Variants in CNTN5 observed in about 807,000 individuals in gnomAD.
The protein encoded by CNTN5 is contactin 5.
Under a neutral mutation model 129.1 loss-of-function variants are expected in CNTN5, and 77 were observed. The ratio of observed to expected loss-of-function variants is 0.60; its 90% confidence interval spans 0.50 to 0.72. The LOEUF (loss-of-function observed/expected upper bound fraction) is 0.72, where lower values mean the gene tolerates loss of function less well. Among genes scored for constraint, CNTN5 ranks in the 30% least tolerant of loss-of-function variants. The pLI, the probability that CNTN5 is intolerant of heterozygous loss-of-function variation, is 0.00. For missense variants in CNTN5, 1,478 were observed against 1,328.8 expected, an observed-to-expected ratio of 1.11 and a Z score of -1.75; for synonymous variants, 509 against 465.6, an observed-to-expected ratio of 1.09 and a Z score of -1.20.
chr11:99,886,384 C>A (rs1443904544), intron 6 of CNTN5, among the ~76,000 whole-genome samples: 3 of 151,962 alleles, frequency 2.0e-5, no homozygotes, highest in Admixed American at 6.6e-5. Flanking sequence ...ATAGTCAATG[C>A]ATATTAATAG....
chr11:99,232,975 A>G (rs1861078700), intron 1 of CNTN5, among the ~76,000 whole-genome samples: 1 of 152,218 alleles, frequency 6.6e-6, no homozygotes, highest in African/African-American at 2.4e-5. Context: ...AATAGGAACT[A>G]GCATATTTTA....
chr11:99,255,802 A>G (rs1031014411), intron 1 of CNTN5, among the ~76,000 whole-genome samples: 3 of 148,172 alleles, frequency 2.0e-5, no homozygotes, highest in South Asian at 2.2e-4. Flanking sequence ...ACACACACGC[A>G]CACACACACA....
chr11:99,990,455 T>TAC lies in CNTN5; in HGVS notation c.878-11551_878-11550dup, dbSNP rs57175307. On this transcript the variant is annotated intron_variant, in intron 8 of 24. Transcript: ENST00000524871. ...CCCTTATTTTTAGAATATATATATATACACACACACACACACACACACACA... is the reference window on the plus strand; with the variant it reads ...CCCTTATTTTTAGAATATATATATATACACACACACACACACACACACACACA... Among the ~76,000 whole-genome samples the TAC allele has an allele frequency of 9.6e-4, 139 of 145,174 alleles. 1 individual carries two copies. Among genetic ancestry groups the TAC allele is most frequent in the African/African-American group, 2.9e-3 (113 of 38,890 alleles).
chr11:100,307,898 C>CA (rs1258494661), intron 20 of CNTN5, among the ~76,000 whole-genome samples: 2 of 151,588 alleles, frequency 1.3e-5, no homozygotes, highest in African/African-American at 4.8e-5. Context: ...TAAATACTCT[C>CA]ATTATAGTCA....
At chr11:99,150,720 G>A (rs1034718697) in intron 1 of CNTN5, among the ~76,000 whole-genome samples, 11 of 151,848 alleles carry the variant, frequency 7.2e-5, no homozygotes, top group African/African-American at 2.4e-4. Context: ...AATAGCAGTC[G>A]TATTCAATTC....
chr11:99,490,382 C>T (rs183923893), intron 2 of CNTN5, among the ~76,000 whole-genome samples: 3 of 152,214 alleles, frequency 2.0e-5, no homozygotes, highest in Admixed American at 2.0e-4. Flanking sequence ...AAGTAATCTG[C>T]TTACAAACAT....
chr11:99,127,613 T>A (rs12270945), intron 1 of CNTN5, among the ~76,000 whole-genome samples: 18,165 of 152,232 alleles, frequency 0.12, 1,202 homozygotes, highest in Non-Finnish European at 0.16. Flanking sequence ...TCTAGCGCAC[T>A]GCAATCCTGA....
chr11:99,812,557 A>G (rs960745342), intron 3 of CNTN5, among the ~76,000 whole-genome samples: 3 of 152,166 alleles, frequency 2.0e-5, no homozygotes, highest in African/African-American at 7.2e-5. Context: ...ACAACAATCT[A>G]TGAGGGAATT....
rs185189544 is a variant in CNTN5, at chr11:100,094,732, G to T, written c.1580+20438G>T. Among the ~76,000 whole-genome samples, 479 of 147,268 alleles carry T rather than the reference G, an allele frequency of 3.3e-3. 5 individuals carry two copies. Among genetic ancestry groups the T allele is most frequent in the South Asian group, 7.4e-3 (34 of 4,620 alleles). ...CCAGGAGGAAAAAAGGAAAGAGAGA[G>T]ACAGGGAAAGAAGAAGGAGGGAGGG... is the stretch of plus-strand genomic sequence containing the variant. On this transcript the variant is annotated intron_variant, in intron 13 of 24. Transcript: ENST00000524871.
intron 8 of CNTN5, among the ~76,000 whole-genome samples, chr11:99,976,653 T>C (rs1937993475): frequency 6.6e-6 from 1 of 152,224 alleles, no homozygotes; most frequent in Non-Finnish European, 1.5e-5. Flanking sequence ...GTTTTAGCCA[T>C]GGCTGGAGCT....
intron 7 of CNTN5, among the ~76,000 whole-genome samples, chr11:99,932,950 G>C (rs576378470): frequency 6.6e-6 from 1 of 152,116 alleles, no homozygotes; most frequent in East Asian, 1.9e-4. Flanking sequence ...TTTCCTACTC[G>C]ATGTAGGCTA....
intron 17 of CNTN5, among the ~76,000 whole-genome samples, chr11:100,257,404 A>G (rs941810515): frequency 3.3e-5 from 5 of 152,192 alleles, no homozygotes; most frequent in African/African-American, 1.2e-4. Context: ...TGAAGAGAGC[A>G]GCAGATCTCC....
At chr11:99,824,654 A>T (rs924726251) in intron 4 of CNTN5, among the ~76,000 whole-genome samples, 8 of 151,826 alleles carry the variant, frequency 5.3e-5, no homozygotes, top group African/African-American at 1.9e-4. Flanking sequence ...CCTAAAAAAA[A>T]CCCTTTTTAC....
chr11:100,190,780 A>G (rs535358349), intron 13 of CNTN5, among the ~76,000 whole-genome samples: 1 of 151,690 alleles, frequency 6.6e-6, no homozygotes, highest in South Asian at 2.1e-4. Flanking sequence ...TTTAGGTGAA[A>G]TACTCAAGCT....
intron 13 of CNTN5, among the ~76,000 whole-genome samples, chr11:100,131,217 G>C (rs1946367979): frequency 1.3e-5 from 2 of 152,024 alleles, no homozygotes; most frequent in Admixed American, 1.3e-4. Flanking sequence ...TAATTAAAAG[G>C]CTATTTTAGT....
chr11:100,224,813 G>T lies in CNTN5; in HGVS notation c.2005+1G>T. ...GATGAGGCAGAACTTCTTGTTAGGGGTGAGTATGCTAATAGTGCAGTCTGA... is the reference window on the plus strand; with the variant it reads ...GATGAGGCAGAACTTCTTGTTAGGGTTGAGTATGCTAATAGTGCAGTCTGA... On this transcript the variant is annotated splice_donor_variant, in intron 16 of 24. Coordinates refer to ENST00000524871, the MANE Select transcript of CNTN5 (RefSeq NM_014361.4). LOFTEE classifies it high-confidence loss of function. 6.2e-7 allele frequency: 1 copy of T among 1,612,866 alleles called. No individual in the cohort carries two copies. The highest frequency in any genetic ancestry group is 1.3e-5 in the African/African-American group (1 of 75,004).
intron 1 of CNTN5, among the ~76,000 whole-genome samples, chr11:99,201,351 T>C (rs1291554922): frequency 1.1e-5 from 1 of 88,152 alleles, no homozygotes; most frequent in Non-Finnish European, 2.2e-5. Flanking sequence ...CTTCCTTTCC[T>C]TTCCTTCCTT....
chr11:99,335,059 T>C (rs1565499294), intron 2 of CNTN5, among the ~76,000 whole-genome samples: 1 of 152,162 alleles, frequency 6.6e-6, no homozygotes, highest in Non-Finnish European at 1.5e-5. Flanking sequence ...CAGAGCTGTT[T>C]CAACCACTGC....
chr11:99,150,896 A>G (rs997168985), intron 1 of CNTN5, among the ~76,000 whole-genome samples: 1 of 152,094 alleles, frequency 6.6e-6, no homozygotes, highest in Admixed American at 6.6e-5. Context: ...GATATTATTG[A>G]AAAATTGGTT....
Sources: allele counts gnomAD v4.1 joint callset (sites outside exome capture counted in the v4.1 genomes callset), GRCh38; gene constraint gnomAD v4.1.1; transcripts MANE v1.5; gene names NCBI Gene and HGNC (gene_info 2026-07-23, HGNC 2026-07-21).